Variants in SLC35D4 observed in about 807,000 individuals in gnomAD.
SLC35D4 encodes the protein solute carrier family 35 member D4.
chr18:23,278,383 C>A, the SLC35D4 span, among the ~76,000 whole-genome samples: 1 of 152,158 alleles, frequency 6.6e-6, no homozygotes, highest in African/African-American at 2.4e-5. Context: ...GCATATAAGT[C>A]AGAGACTTGG....
chr18:23,305,536 G>T, the SLC35D4 span, among the ~76,000 whole-genome samples: 1 of 152,188 alleles, frequency 6.6e-6, no homozygotes, highest in Non-Finnish European at 1.5e-5. Context: ...TTGGAAGAGT[G>T]TTATAAAAGT....
chr18:23,253,751 C>T, the SLC35D4 span: 1 of 1,614,168 alleles, frequency 6.2e-7, no homozygotes, highest in Non-Finnish European at 8.5e-7. Flanking sequence ...GATGCGGAAG[C>T]TTGCGCAGGA....
At chr18:23,323,602 C>T in the SLC35D4 span, among the ~76,000 whole-genome samples, 2 of 152,172 alleles carry the variant, frequency 1.3e-5, no homozygotes, top group African/African-American at 4.8e-5. Flanking sequence ...TTTACATAAA[C>T]CATGAAGACC....
At chr18:23,267,435 C>A in the SLC35D4 span, among the ~76,000 whole-genome samples, 2 of 152,070 alleles carry the variant, frequency 1.3e-5, no homozygotes, top group Admixed American at 1.3e-4. Context: ...GCCCTGGTGG[C>A]TCTCTAGGTT....
the SLC35D4 span, among the ~76,000 whole-genome samples, chr18:23,353,307 C>G: frequency 6.6e-6 from 1 of 152,176 alleles, no homozygotes; most frequent in Non-Finnish European, 1.5e-5. Flanking sequence ...GACTGCCACA[C>G]TTCCATCTGA....
chr18:23,370,953 CCATTT>C, the SLC35D4 span, among the ~76,000 whole-genome samples: 2 of 152,208 alleles, frequency 1.3e-5, no homozygotes, highest in Non-Finnish European at 1.5e-5. Context: ...CAGAAAATGC[CCATTT>C]AATTTTAACC....
the SLC35D4 span, among the ~76,000 whole-genome samples, chr18:23,311,009 C>T: frequency 6.6e-6 from 1 of 151,942 alleles, no homozygotes; most frequent in Admixed American, 6.6e-5. Context: ...AGAGATTTCT[C>T]TAAGTGGAGA....
At chr18:23,256,777 C>T in the SLC35D4 span, among the ~76,000 whole-genome samples, 1 of 152,130 alleles carries the variant, frequency 6.6e-6, no homozygotes, top group Non-Finnish European at 1.5e-5. Context: ...GAGCCACCAC[C>T]GGTTTGCTTT....
the SLC35D4 span, among the ~76,000 whole-genome samples, chr18:23,352,914 G>C: frequency 0.84 from 128,496 of 152,246 alleles, 54,383 homozygotes; most frequent in East Asian, 1. Flanking sequence ...ATTCAGGAGT[G>C]TGGACCAACA....
the SLC35D4 span, among the ~76,000 whole-genome samples, chr18:23,239,364 A>G: frequency 6.6e-6 from 1 of 152,158 alleles, no homozygotes; most frequent in Non-Finnish European, 1.5e-5. Context: ...GCTCCTGGAG[A>G]CCTATGTTTC....
the SLC35D4 span, among the ~76,000 whole-genome samples, chr18:23,261,562 G>T: frequency 6.6e-6 from 1 of 152,166 alleles, no homozygotes; most frequent in Non-Finnish European, 1.5e-5. Flanking sequence ...GGTCAAGGCT[G>T]CAGTGATCAC....
At chr18:23,387,783 GT>G in the SLC35D4 span, among the ~76,000 whole-genome samples, 17 of 151,590 alleles carry the variant, frequency 1.1e-4, no homozygotes, top group South Asian at 3.1e-3. Context: ...AACTCAAATT[GT>G]TTTTTTCTTT....
At chr18:23,344,756 C>T in the SLC35D4 span, among the ~76,000 whole-genome samples, 2 of 151,962 alleles carry the variant, frequency 1.3e-5, no homozygotes, top group African/African-American at 4.8e-5. Flanking sequence ...TGCCCGCCAC[C>T]ACGCCTGGCT....
the SLC35D4 span, among the ~76,000 whole-genome samples, chr18:23,404,502 G>A: frequency 2.0e-4 from 28 of 141,278 alleles, no homozygotes; most frequent in East Asian, 1.1e-3. Context: ...GTGAAACCCC[G>A]TCTCTACTAA....
chr18:23,291,449 A>T, the SLC35D4 span, among the ~76,000 whole-genome samples: 2 of 152,238 alleles, frequency 1.3e-5, no homozygotes, highest in African/African-American at 4.8e-5. Context: ...GCAGGAATTC[A>T]TTCAGGGACT....
the SLC35D4 span, among the ~76,000 whole-genome samples, chr18:23,404,992 CAAAAAAAAAAAAAAAA>C: frequency 2.2e-5 from 1 of 44,480 alleles, no homozygotes; most frequent in Non-Finnish European, 4.5e-5. Flanking sequence ...GACTCCGTCT[CAAAAAAAAAAAAAAAA>C]AAAAAAAAAA....
the SLC35D4 span, among the ~76,000 whole-genome samples, chr18:23,361,576 A>C: frequency 1.3e-5 from 2 of 152,154 alleles, no homozygotes; most frequent in African/African-American, 4.8e-5. Flanking sequence ...CTCAGCTAGC[A>C]GGAAACTTCA....
At chr18:23,358,954 C>T in the SLC35D4 span, among the ~76,000 whole-genome samples, 1 of 152,146 alleles carries the variant, frequency 6.6e-6, no homozygotes, top group Non-Finnish European at 1.5e-5. Context: ...GCTATAAATA[C>T]CCCCGGAAGA....
At chr18:23,404,677 G>A in the SLC35D4 span, among the ~76,000 whole-genome samples, 1 of 147,758 alleles carries the variant, frequency 6.8e-6, no homozygotes, top group Non-Finnish European at 1.5e-5. Flanking sequence ...GACAGAGCAA[G>A]ACTCCATCTC....
Sources: gnomAD v4.1 joint callset for allele counts (sites outside exome capture counted in the v4.1 genomes callset) on GRCh38, gnomAD v4.1.1 for gene constraint, MANE v1.5 for transcripts, NCBI Gene and HGNC (gene_info 2026-07-23, HGNC 2026-07-21) for gene names.